Variants in FANCA observed in about 807,000 individuals in gnomAD.
FANCA encodes FA complementation group A.
Under a neutral mutation model 194.3 loss-of-function variants are expected in FANCA, and 236 were observed. That is an observed-to-expected ratio of 1.21 (90% CI 1.09 to 1.35). The LOEUF (loss-of-function observed/expected upper bound fraction) is 1.35. Among genes scored for constraint, FANCA ranks in the 40% most tolerant of loss-of-function variants. The pLI, the probability that FANCA is intolerant of heterozygous loss-of-function variation, is 0.00. For synonymous variants in FANCA, 1,014 were observed against 715.8 expected (o/e 1.42, Z -6.65); for missense variants, 2,628 against 1,813.9 (o/e 1.45, Z -8.15).
At chr16:89,787,311 C>A (rs2039931388) in intron 14 of FANCA, among the ~76,000 whole-genome samples, 1 of 152,128 alleles carries the variant, frequency 6.6e-6, no homozygotes, top group African/African-American at 2.4e-5. Flanking sequence ...ATCACGAGTT[C>A]AGGAGATCGA....
intron 29 of FANCA, among the ~76,000 whole-genome samples, chr16:89,761,630 TC>T (rs2038957745): frequency 6.6e-6 from 1 of 152,066 alleles, no homozygotes; most frequent in Non-Finnish European, 1.5e-5. Context: ...AAAGGGAAGC[TC>T]CTTTTTCTTT....
chr16:89,748,802 C>A (rs17227106), intron 32 of FANCA, 35 bp from the exon 33 acceptor site: 1 of 1,560,076 alleles, frequency 6.4e-7, no homozygotes, highest in East Asian at 2.2e-5. Context: ...GGCGACAGCA[C>A]AGCGTACACT....
intron 28 of FANCA, chr16:89,762,552 GAACT>G (rs1217284499): frequency 4.2e-5 from 8 of 192,470 alleles, no homozygotes; most frequent in East Asian, 4.2e-4. Context: ...AACAGAGTGA[GAACT>G]ATCTATAAAA....
At chr16:89,758,113 T>A (rs1347192864) in intron 30 of FANCA, among the ~76,000 whole-genome samples, 1 of 152,090 alleles carries the variant, frequency 6.6e-6, no homozygotes, top group East Asian at 1.9e-4. Flanking sequence ...CACCTCAGCC[T>A]CCCGAAGTGC....
Position 89,772,755 on chromosome 16 carries a change from G to A in FANCA, c.2014+516C>T, listed in dbSNP as rs534744973. On this transcript the variant is annotated intron_variant, in intron 22 of 42. Transcript: ENST00000389301. ...AATTGCTTGAACCCAGGAGGCGGAG[G>A]TTGCAGTGAGCCGAGATGGCGCCAC... Among the ~76,000 whole-genome samples, 7 of 147,084 alleles carry A rather than the reference G, an allele frequency of 4.8e-5. No homozygotes were observed. In the South Asian group the frequency reaches 1.5e-3, roughly 32 times the overall value.
At chr16:89,807,186 T>TC (rs903213908) in intron 6 of FANCA, among the ~76,000 whole-genome samples, 1 of 140,522 alleles carries the variant, frequency 7.1e-6, no homozygotes, top group African/African-American at 2.5e-5. Flanking sequence ...AGGTTTTTCT[T>TC]TTTTTTTTTT....
intron 17 of FANCA, 52 bp downstream of exon 17, chr16:89,782,807 T>A: frequency 4.7e-6 from 7 of 1,505,094 alleles, no homozygotes; most frequent in Non-Finnish European, 6.5e-6. Context: ...AACTGGACCT[T>A]TGCATGGTGG....
intron 36 of FANCA, among the ~76,000 whole-genome samples, chr16:89,744,013 T>G (rs1326280776): frequency 6.6e-6 from 1 of 151,990 alleles, no homozygotes; most frequent in Admixed American, 6.6e-5. Context: ...TTCTCCTGCC[T>G]CAGCCTCCTG....
intron 6 of FANCA, 111 bp downstream of exon 6, chr16:89,808,183 A>G (rs1402415842): frequency 2.0e-6 from 2 of 1,001,584 alleles, no homozygotes; most frequent in East Asian, 4.7e-5. Context: ...TCTAGTACAA[A>G]TTATATGTCA....
At position 89,773,132 on chromosome 16, in the gene FANCA, C is replaced by CTTTAAA; in HGVS notation, c.2014+138_2014+139insTTTAAA. The CTTTAAA allele has an allele frequency of 4.1e-6, 3 of 730,718 alleles. 1 individual carries two copies. Among genetic ancestry groups the CTTTAAA allele is most frequent in the Non-Finnish European group, 7.2e-6 (3 of 419,476 alleles). The allele number at this position is 730,718 out of a possible 1,614,324, so 45.3% of individuals were successfully genotyped here. ...CAAAAAAGGTTCCACACCCGCCAGC[C>CTTTAAA]CGGGGTCAATCTTTAAACTACTGGA... is the stretch of plus-strand genomic sequence containing the variant. On this transcript the variant is annotated intron_variant, in intron 22 of 42. Coordinates refer to ENST00000389301, the MANE Select transcript of FANCA (RefSeq NM_000135.4).
Position 89,738,723 on chromosome 16 carries a change from C to A in FANCA, c.4261-15G>T. On this transcript the variant is annotated splice_polypyrimidine_tract_variant and intron_variant, in intron 42 of 42. Coordinates refer to ENST00000389301, the MANE Select transcript of FANCA (RefSeq NM_000135.4). ...TCAGCCAGCAGCTGTGAGAGAGGAGCAGGTCCTCAGCCCATGCCGCCCACT... is the reference window on the plus strand; with the variant it reads ...TCAGCCAGCAGCTGTGAGAGAGGAGAAGGTCCTCAGCCCATGCCGCCCACT... 1 of 1,613,562 alleles carries A rather than the reference C, an allele frequency of 6.2e-7. No homozygotes were observed. Among genetic ancestry groups the A allele is most frequent in the Non-Finnish European group, 8.5e-7 (1 of 1,179,820 alleles).
chr16:89,788,133 A>C (rs531102520), intron 14 of FANCA, among the ~76,000 whole-genome samples: 1 of 152,296 alleles, frequency 6.6e-6, no homozygotes, highest in South Asian at 2.1e-4. Flanking sequence ...TCGTCCTCCC[A>C]CAGTGCTGGT....
intron 3 of FANCA, 25 bp downstream of exon 3, chr16:89,814,493 AAT>A (rs755624323): frequency 1.1e-5 from 16 of 1,511,904 alleles, no homozygotes; most frequent in African/African-American, 5.5e-5. Context: ...TGCAATTCAA[AAT>A]AGAGAAAATG....
intron 1 of FANCA, chr16:89,816,239 G>C: frequency 2.1e-6 from 1 of 485,934 alleles, no homozygotes; most frequent in Non-Finnish European, 3.8e-6. Flanking sequence ...CCTCTGCGCT[G>C]AGGGGAGCCC....
At chr16:89,807,184 C>CT (rs1011419652) in intron 6 of FANCA, among the ~76,000 whole-genome samples, 1,433 of 134,350 alleles carry the variant, frequency 0.011, 13 homozygotes, top group African/African-American at 0.019. Context: ...GCAGGTTTTT[C>CT]TTTTTTTTTT....
intron 23 of FANCA, among the ~76,000 whole-genome samples, chr16:89,770,948 T>C (rs1339760546): frequency 6.6e-6 from 1 of 152,070 alleles, no homozygotes; most frequent in Non-Finnish European, 1.5e-5. Context: ...TGTCGCATAT[T>C]CTAAAGAGGC....
chr16:89,788,280 G>A (rs1483682400), intron 14 of FANCA, among the ~76,000 whole-genome samples: 1 of 152,030 alleles, frequency 6.6e-6, no homozygotes, highest in African/African-American at 2.4e-5. Context: ...GGCCAACATG[G>A]TGAGACCCCA....
Position 89,773,343 on chromosome 16 carries a change from C to A in FANCA, c.1942G>T (p.Glu648Ter), listed in dbSNP as rs1427276212. Residue 648 changes from glutamate to a stop codon, truncating the protein, a stop_gained, in exon 22 of 43, where the codon GAG (glutamate) becomes TAG (stop). Coordinates refer to ENST00000389301, the MANE Select transcript of FANCA (RefSeq NM_000135.4). LOFTEE classifies it high-confidence loss of function. ...GVRAEPNSAEEPLGQLTAALG... is the reference protein window; with the variant it reads ...GVRAEPNSAE ...GCAGCTGTGAGCTGTCCCAGGGGCTCCTCAGCAGAGTTGGGTTCTGCCCTC... is the reference window on the plus strand; with the variant it reads ...GCAGCTGTGAGCTGTCCCAGGGGCTACTCAGCAGAGTTGGGTTCTGCCCTC... The A allele has an allele frequency of 6.4e-7, 1 of 1,551,604 alleles. No homozygotes were observed. The highest frequency in any genetic ancestry group is 2.4e-5 in the East Asian group (1 of 40,916).
At chr16:89,774,358 G>A (rs148402548) in intron 21 of FANCA, among the ~76,000 whole-genome samples, 1 of 152,072 alleles carries the variant, frequency 6.6e-6, no homozygotes, top group Non-Finnish European at 1.5e-5. Flanking sequence ...CCTCTCAAGA[G>A]AAGCAAACGC....
Sources: gnomAD v4.1 joint callset for allele counts (sites outside exome capture counted in the v4.1 genomes callset) on GRCh38, gnomAD v4.1.1 for gene constraint, MANE v1.5 for transcripts, NCBI Gene and HGNC (gene_info 2026-07-23, HGNC 2026-07-21) for gene names.